The following PCDHA6 variants were observed in gnomAD, a reference collection of about 807,000 sequenced individuals.
The protein encoded by PCDHA6 is protocadherin alpha-6.
A neutral mutation model predicts 60.3 loss-of-function variants in PCDHA6; 55 were observed. The ratio of observed to expected loss-of-function variants is 0.91; its 90% CI spans 0.73 to 1.14. The LOEUF (loss-of-function observed/expected upper bound fraction) is 1.14, where lower values mean the gene tolerates loss of function less well. PCDHA6 is among the 50% of genes most tolerant of loss of function. PCDHA6 has a pLI of 0.00. For synonymous variants in PCDHA6, 652 were observed against 557.9 expected (o/e 1.17, Z -2.38); for missense variants, 1,327 against 1,256.5 (o/e 1.06, Z -0.85).
intron 1 of PCDHA6, chr5:140,929,398 A>G: frequency 6.6e-7 from 1 of 1,510,096 alleles, no homozygotes; most frequent in Non-Finnish European, 8.9e-7. Flanking sequence ...AATATTTCTT[A>G]GACAAGCCTT....
At chr5:140,958,367 T>C (rs1029042656) in intron 1 of PCDHA6, among the ~76,000 whole-genome samples, 2 of 152,166 alleles carry the variant, frequency 1.3e-5, no homozygotes, top group Admixed American at 6.5e-5. Context: ...TTATCAGGAA[T>C]GTTGCTATTT....
rs1038789772 is a variant in PCDHA6, at chr5:140,894,031, G to C, written c.2394+63546G>C. On this transcript the variant is annotated intron_variant, in intron 1 of 3. Transcript: ENST00000529310. ...TTCAAATTACCAGTTCTGCATACTG[G>C]TAATGTAAGTCCTCTGTTGAATTGA... Among the ~76,000 whole-genome samples, 3 of 152,204 alleles carry C rather than the reference G, an allele frequency of 2.0e-5. No homozygotes were observed. In the South Asian group the frequency reaches 6.2e-4, roughly 32 times the overall value.
At chr5:140,992,606 G>A (rs1554253052) in intron 3 of PCDHA6, among the ~76,000 whole-genome samples, 1 of 152,188 alleles carries the variant, frequency 6.6e-6, no homozygotes. Flanking sequence ...CTGTGTCTAA[G>A]TGAAAGCAGA....
At chr5:141,009,568 G>A in intron 3 of PCDHA6, 59 bp from the exon 4 acceptor site, 4 of 1,577,106 alleles carry the variant, frequency 2.5e-6, no homozygotes, top group Non-Finnish European at 3.4e-6. Context: ...TCTACCAGCA[G>A]TGTGGCATCA....
At chr5:140,951,766 C>T (rs372624744) in intron 1 of PCDHA6, among the ~76,000 whole-genome samples, 78 of 152,240 alleles carry the variant, frequency 5.1e-4, no homozygotes, top group African/African-American at 1.6e-3. Context: ...AATCTCATGA[C>T]GTTCTTACAT....
intron 2 of PCDHA6, among the ~76,000 whole-genome samples, chr5:140,981,118 G>A (rs1205022984): frequency 6.6e-6 from 1 of 152,196 alleles, no homozygotes; most frequent in Admixed American, 6.5e-5. Flanking sequence ...TACTGGATAT[G>A]TTGTTTGAAG....
chr5:140,841,456 G>T (rs2150315881), intron 1 of PCDHA6: 1 of 1,612,922 alleles, frequency 6.2e-7, no homozygotes, highest in South Asian at 1.1e-5. Context: ...GCACCTTCGT[G>T]GGCCGGATCG....
chr5:140,981,504 G>A (rs1435264364), intron 2 of PCDHA6, among the ~76,000 whole-genome samples: 1 of 152,182 alleles, frequency 6.6e-6, no homozygotes, highest in African/African-American at 2.4e-5. Flanking sequence ...AACCTGGGAG[G>A]CAGAGGTTGC....
intron 1 of PCDHA6, chr5:140,841,181 C>G: frequency 2.6e-6 from 3 of 1,156,610 alleles, no homozygotes; most frequent in Non-Finnish European, 3.6e-6. Context: ...GGTCAATGTT[C>G]AAAGTCTTTT....
intron 1 of PCDHA6, among the ~76,000 whole-genome samples, chr5:140,914,392 AC>A (rs1554196309): frequency 6.6e-6 from 1 of 151,928 alleles, no homozygotes; most frequent in Non-Finnish European, 1.5e-5. Flanking sequence ...AAGTGTAGTT[AC>A]CCCTGCTCCT....
chr5:140,928,286 G>A (rs140714840), intron 1 of PCDHA6: 12 of 1,614,014 alleles, frequency 7.4e-6, no homozygotes, highest in Non-Finnish European at 9.3e-6. Flanking sequence ...GCCTCTCTAG[G>A]CCGAGTGTTT....
chr5:140,883,534 A>G, intron 1 of PCDHA6: 1 of 1,614,196 alleles, frequency 6.2e-7, no homozygotes, highest in Non-Finnish European at 8.5e-7. Context: ...CAGCCTATGA[A>G]CTGGTGGTGA....
rs2086142013 is a variant in PCDHA6, at chr5:140,929,415, C to T, written c.2395-49534C>T. 11 of 1,504,150 alleles carry T rather than the reference C, an allele frequency of 7.3e-6. 1 individual carries two copies. In the South Asian group the frequency reaches 1.2e-4, roughly 17 times the overall value. 93.2% of individuals were successfully genotyped at this position (1,504,150 alleles called of 1,614,324 possible). A position where few individuals can be genotyped will look rare whatever the true frequency, so the allele number is the denominator to read the frequency against. On this transcript the variant is annotated intron_variant, in intron 1 of 3. Coordinates refer to ENST00000529310, the MANE Select transcript of PCDHA6 (RefSeq NM_018909.4). The stretch of plus-strand genomic sequence containing the variant: ...TATTTCTTAGACAAGCCTTTCACAA[C>T]ATTTCATCAATTGAACTAAACACTC...
intron 1 of PCDHA6, chr5:140,869,914 G>A (rs782742972): frequency 6.2e-7 from 1 of 1,611,078 alleles, no homozygotes; most frequent in South Asian, 1.1e-5. Context: ...AGACCGAGAC[G>A]AAGGAGTCAA....
At chr5:140,858,376 A>G in intron 1 of PCDHA6, 2 of 1,587,998 alleles carry the variant, frequency 1.3e-6, no homozygotes. Flanking sequence ...GCCTTCCACC[A>G]TGCCCAATGG....
At chr5:140,893,951 T>TTA (rs2064251628) in intron 1 of PCDHA6, among the ~76,000 whole-genome samples, 1 of 152,184 alleles carries the variant, frequency 6.6e-6, no homozygotes, top group Admixed American at 6.5e-5. Context: ...CTGCATGACT[T>TTA]TATTAGTCAT....
chr5:140,901,263 G>A (rs967047702), intron 1 of PCDHA6, among the ~76,000 whole-genome samples: 1 of 151,938 alleles, frequency 6.6e-6, no homozygotes, highest in Admixed American at 6.6e-5. Flanking sequence ...GTGATTGTGG[G>A]GTATTACTCA....
chr5:140,879,557 T>C (rs1554170871), intron 1 of PCDHA6, among the ~76,000 whole-genome samples: 1 of 152,152 alleles, frequency 6.6e-6, no homozygotes, highest in Non-Finnish European at 1.5e-5. Flanking sequence ...AAATAATCCA[T>C]GAAAGAATAA....
At chr5:140,983,822 T>C (rs1453990514) in intron 3 of PCDHA6, among the ~76,000 whole-genome samples, 2 of 152,216 alleles carry the variant, frequency 1.3e-5, no homozygotes, top group Non-Finnish European at 2.9e-5. Flanking sequence ...TTCCCAAAAA[T>C]AATCAGATGC....
Sources: allele counts gnomAD v4.1 joint callset (sites outside exome capture counted in the v4.1 genomes callset), GRCh38; gene constraint gnomAD v4.1.1; transcripts MANE v1.5; gene names NCBI Gene and HGNC (gene_info 2026-07-23, HGNC 2026-07-21).